Variants in RHOQ observed in about 807,000 individuals in gnomAD.
RHOQ encodes ras homolog family member Q.
RHOQ carries 7 observed loss-of-function variants against 25.8 expected under a neutral mutation model. The observed-to-expected ratio is 0.27, with a 90% CI of 0.15 to 0.51. RHOQ has a LOEUF of 0.51. Among genes scored for constraint, RHOQ ranks in the 20% least tolerant of loss-of-function variants. The probability of loss-of-function intolerance (pLI) is 0.97; values close to 1 mark genes in which losing one functional copy is unlikely to be tolerated. For synonymous variants in RHOQ, 97 were observed against 98.6 expected (o/e 0.98, Z 0.10); for missense variants, 165 against 260.6 (o/e 0.63, Z 2.53).
chr2:46,546,465 T>C (rs1364966133), intron 2 of RHOQ, among the ~76,000 whole-genome samples: 5 of 6,070 alleles, frequency 8.2e-4, no homozygotes, highest in East Asian at 3.5e-3. Flanking sequence ...TATATATATA[T>C]ATATATATGT....
rs1668270949 is a variant in RHOQ, at chr2:46,552,373, G to A, written c.201+8561G>A. On this transcript the variant is annotated intron_variant, in intron 2 of 4. Transcript: ENST00000238738. This position sits in a 1 kb window ranked among gnomAD's most constrained non-coding sequence, Gnocchi z 5.0. ...GCCCCTTCCCAGAAGAGAGGGACAG[G>A]GAAATGCTGTTTGGGGGGCTGCCAG... Among the ~76,000 whole-genome samples the A allele has an allele frequency of 6.6e-6, 1 of 152,198 alleles. No homozygotes were observed. Among genetic ancestry groups the A allele is most frequent in the African/African-American group, 2.4e-5 (1 of 41,456 alleles).
chr2:46,572,977 T>A (rs1668984565), intron 2 of RHOQ, among the ~76,000 whole-genome samples: 1 of 152,212 alleles, frequency 6.6e-6, no homozygotes, highest in South Asian at 2.1e-4. Context: ...GCACAGGGGA[T>A]AATTTATTTT....
chr2:46,546,751 A>G (rs2103981055), intron 2 of RHOQ, among the ~76,000 whole-genome samples: 1 of 152,144 alleles, frequency 6.6e-6, no homozygotes, highest in African/African-American at 2.4e-5. Context: ...TACTTTGTGC[A>G]TAGTGGGTGA....
At position 46,582,501 on chromosome 2, in the gene RHOQ, G is replaced by C. The variant is rs187028926; in HGVS notation, c.*1418G>C. 6.6e-6 allele frequency: 1 copy of C among 152,336 alleles called. No individual in the cohort carries two copies. Among genetic ancestry groups the C allele is most frequent in the East Asian group, 1.9e-4 (1 of 5,184 alleles). The allele number at this position is 152,336 out of a possible 1,614,324, so 9.4% of individuals were successfully genotyped here. ...TGCATATGCCATGCATCAGATAATG[G>C]ATGCATCAGATAATGGTGTTAGACA... On this transcript the variant is annotated 3_prime_UTR_variant, in exon 5 of 5. Transcript: ENST00000238738.
chr2:46,563,773 A>G (rs1292555376), intron 2 of RHOQ, among the ~76,000 whole-genome samples: 5 of 152,022 alleles, frequency 3.3e-5, no homozygotes, highest in Non-Finnish European at 4.4e-5. Context: ...AGGCAAGATC[A>G]TACCTTTGCA....
intron 2 of RHOQ, chr2:46,568,446 G>A (rs1272711121): frequency 1.3e-5 from 2 of 152,274 alleles, no homozygotes; most frequent in East Asian, 3.9e-4. Context: ...AGGTTGTGAG[G>A]GCTTATCTGT....
intron 2 of RHOQ, among the ~76,000 whole-genome samples, chr2:46,563,317 G>C (rs1222752488): frequency 6.6e-6 from 1 of 152,196 alleles, no homozygotes; most frequent in Non-Finnish European, 1.5e-5. Flanking sequence ...TCATCAGTGA[G>C]GTGGCAGCTG....
rs932303487 is a variant in RHOQ at position 46,555,848 on chromosome 2, G to A, written c.201+12036G>A. Among the ~76,000 whole-genome samples the A allele has an allele frequency of 1.2e-4, 18 of 152,222 alleles. No homozygotes were observed. Among genetic ancestry groups the A allele is most frequent in the Non-Finnish European group, 2.2e-4 (15 of 68,034 alleles). ...TGTGTCTTGACTGGGAGACCGGAAT[G>A]CCTCCTGTTGTCTGAACAAGCTAGT... On this transcript the variant is annotated intron_variant, in intron 2 of 4. Transcript: ENST00000238738. This position sits in a 1 kb window ranked among gnomAD's most constrained non-coding sequence, Gnocchi z 4.3.
At chr2:46,553,226 C>T (rs531581489) in intron 2 of RHOQ, among the ~76,000 whole-genome samples, 2 of 152,302 alleles carry the variant, frequency 1.3e-5, no homozygotes, top group Admixed American at 6.5e-5. Context: ...AACCCATCTC[C>T]ACCCCCTGCC....
At chr2:46,578,569 C>CAAAAAAAAAAAAAAAAAAAAAAAAAA (rs755333304) in intron 4 of RHOQ, among the ~76,000 whole-genome samples, 2 of 24,032 alleles carry the variant, frequency 8.3e-5, no homozygotes, top group Non-Finnish European at 1.5e-4. Flanking sequence ...CCATCTCTAC[C>CAAAAAAAAAAAAAAAAAAAAAAAAAA]AAAAAAAAAA....
At chr2:46,573,942 TTG>T (rs1301570548) in intron 2 of RHOQ, among the ~76,000 whole-genome samples, 2 of 152,216 alleles carry the variant, frequency 1.3e-5, no homozygotes, top group East Asian at 3.8e-4. Flanking sequence ...GACCTGAGTT[TTG>T]TGTGTTTTGA....
In RHOQ at chr2:46,581,325, C is replaced by T; in HGVS notation, c.*242C>T. The T allele has an allele frequency of 8.4e-7, 1 of 1,190,942 alleles. No individual in the cohort carries two copies. The highest frequency in any genetic ancestry group is 1.6e-5 in the South Asian group (1 of 61,126). 73.8% of individuals were successfully genotyped at this position (1,190,942 alleles called of 1,614,324 possible). ...TTATTTCAACTAGAAGGTACAATCT[C>T]TCAGGGGTTTCATAGTTTAAAAAGC... is the stretch of plus-strand genomic sequence containing the variant. On this transcript the variant is annotated 3_prime_UTR_variant, in exon 5 of 5. Transcript: ENST00000238738.
chr2:46,567,085 G>A (rs1668758281), intron 2 of RHOQ, among the ~76,000 whole-genome samples: 1 of 151,996 alleles, frequency 6.6e-6, no homozygotes. Context: ...CCCTATACAT[G>A]TAATTTTAAA....
chr2:46,574,902 C>T (rs1669059384), intron 2 of RHOQ, among the ~76,000 whole-genome samples: 1 of 152,110 alleles, frequency 6.6e-6, no homozygotes, highest in African/African-American at 2.4e-5. Context: ...TTGTGTAGTT[C>T]TGTAGTGAAA....
At chr2:46,550,293 A>G (rs1319309909) in intron 2 of RHOQ, among the ~76,000 whole-genome samples, 4 of 152,246 alleles carry the variant, frequency 2.6e-5, no homozygotes, top group Non-Finnish European at 4.4e-5. Flanking sequence ...GTTTCTGCTA[A>G]AAGGTTAACC....
At chr2:46,568,107 A>C (rs1314762849) in intron 2 of RHOQ, 1 of 152,152 alleles carries the variant, frequency 6.6e-6, no homozygotes, top group African/African-American at 2.4e-5. Context: ...AAGTTATGCC[A>C]AAAAACTTTA....
At chr2:46,562,854 G>A (rs1402687451) in intron 2 of RHOQ, among the ~76,000 whole-genome samples, 3 of 152,170 alleles carry the variant, frequency 2.0e-5, no homozygotes, top group Non-Finnish European at 2.9e-5. Flanking sequence ...TTCTCAGTGC[G>A]TTTGTGCTGA....
chr2:46,560,744 T>TA, intron 2 of RHOQ: 1 of 421,422 alleles, frequency 2.4e-6, no homozygotes, highest in Non-Finnish European at 4.9e-6. Flanking sequence ...AGACTTTGCG[T>TA]AGAGTCTGTA....
At chr2:46,551,968 G>A (rs1020013099) in intron 2 of RHOQ, among the ~76,000 whole-genome samples, 4 of 152,226 alleles carry the variant, frequency 2.6e-5, no homozygotes, top group Non-Finnish European at 2.9e-5. Flanking sequence ...AGGCAAAGCC[G>A]AGATCACCAG....
Sources: gnomAD v4.1 joint callset for allele counts (sites outside exome capture counted in the v4.1 genomes callset) on GRCh38, gnomAD v4.1.1 for gene constraint, Gnocchi (gnomAD v3.1) non-coding constraint, MANE v1.5 for transcripts, NCBI Gene and HGNC (gene_info 2026-07-23, HGNC 2026-07-21) for gene names.